Variants in STXBP4 observed in about 807,000 individuals in gnomAD.
STXBP4 encodes the protein syntaxin binding protein 4, also known as syntaxin-binding protein 4.
A neutral mutation model predicts 76.1 loss-of-function variants in STXBP4; 55 were observed. The ratio of observed to expected loss-of-function variants is 0.72; its 90% confidence interval spans 0.58 to 0.91. The LOEUF (loss-of-function observed/expected upper bound fraction) is 0.91. STXBP4 is among the 40% of genes least tolerant of loss of function. The pLI, the probability that STXBP4 is intolerant of heterozygous loss-of-function variation, is 0.00. For missense variants in STXBP4, 618 were observed against 636.9 expected (o/e 0.97, Z 0.32); for synonymous variants, 201 against 220.2 (o/e 0.91, Z 0.77).
intron 12 of STXBP4, among the ~76,000 whole-genome samples, chr17:55,066,933 A>G (rs2144846575): frequency 6.6e-6 from 1 of 152,318 alleles, no homozygotes; most frequent in African/African-American, 2.4e-5. Flanking sequence ...TGTTTCTCAA[A>G]GCATAGTTTA....
intron 17 of STXBP4, among the ~76,000 whole-genome samples, chr17:55,152,072 A>G (rs1314416804): frequency 1.3e-5 from 2 of 152,332 alleles, no homozygotes; most frequent in African/African-American, 2.4e-5. Flanking sequence ...AGGACAGTAC[A>G]CTGGATTACC....
In STXBP4 at chr17:54,999,707, A is replaced by C. The variant is rs758948590; in HGVS notation, c.363A>C (p.Thr121=). 6.2e-7 allele frequency: 1 copy of C among 1,613,814 alleles called. No homozygotes were observed. Among genetic ancestry groups the C allele is most frequent in the Non-Finnish European group, 8.5e-7 (1 of 1,179,842 alleles). ...DNIQPENLSC[T]SLIEASGEYG... ...TTCAGCCAGAAAATCTGTCATGTAC[A>C]TCACTTATAGAAGCTTCAGGAGAAT... Residue 121 remains threonine, a synonymous_variant, in exon 6 of 18, where the codon ACA becomes ACC. Coordinates refer to ENST00000376352, the MANE Select transcript of STXBP4 (RefSeq NM_178509.6).
At chr17:55,182,254 G>A in the STXBP4 span, among the ~76,000 whole-genome samples, 3 of 152,082 alleles carry the variant, frequency 2.0e-5, no homozygotes, top group Admixed American at 1.3e-4. Context: ...GACGAAATTC[G>A]AGATTTTGGC....
chr17:54,984,823 A>C (rs1598156180), intron 1 of STXBP4, among the ~76,000 whole-genome samples: 1 of 152,164 alleles, frequency 6.6e-6, no homozygotes, highest in Non-Finnish European at 1.5e-5. Flanking sequence ...GCTCAGACTT[A>C]AAAAATGTTT....
At chr17:55,049,744 T>G (rs2078835054) in intron 12 of STXBP4, among the ~76,000 whole-genome samples, 1 of 151,938 alleles carries the variant, frequency 6.6e-6, no homozygotes, top group African/African-American at 2.4e-5. Flanking sequence ...TTAACATGAA[T>G]AAGATCAACT....
intron 3 of STXBP4, 123 bp from the exon 4 acceptor site, chr17:54,990,702 G>C (rs2077701391): frequency 1.7e-6 from 2 of 1,194,244 alleles, no homozygotes; most frequent in Non-Finnish European, 2.3e-6. Context: ...CAAGTCCCTG[G>C]TACCAAAAAA....
At chr17:55,182,806 C>T in the STXBP4 span, among the ~76,000 whole-genome samples, 2 of 151,770 alleles carry the variant, frequency 1.3e-5, no homozygotes, top group Non-Finnish European at 2.9e-5. Flanking sequence ...AAAACAACAA[C>T]AACAACAAAA....
intron 17 of STXBP4, among the ~76,000 whole-genome samples, chr17:55,155,192 T>C (rs1008429066): frequency 6.6e-6 from 1 of 152,142 alleles, no homozygotes; most frequent in Non-Finnish European, 1.5e-5. Flanking sequence ...GAATAGATAC[T>C]TCCTATTACT....
At chr17:55,087,738 C>T (rs546450925) in intron 16 of STXBP4, among the ~76,000 whole-genome samples, 2 of 152,086 alleles carry the variant, frequency 1.3e-5, no homozygotes, top group African/African-American at 4.8e-5. Flanking sequence ...TCTTGTGGTT[C>T]CATTAAAATT....
chr17:54,981,153 G>C (rs1289107594), intron 1 of STXBP4, among the ~76,000 whole-genome samples: 1 of 114,614 alleles, frequency 8.7e-6, no homozygotes, highest in Non-Finnish European at 1.8e-5. Flanking sequence ...TAACATCATA[G>C]ATAACAATAC....
intron 12 of STXBP4, among the ~76,000 whole-genome samples, chr17:55,057,541 T>C: frequency 6.6e-6 from 1 of 152,188 alleles, no homozygotes; most frequent in East Asian, 1.9e-4. Flanking sequence ...TGGTTGTTGT[T>C]GTTGTTTCTA....
rs74356206 is a variant in STXBP4, at chr17:55,092,561, A to C, written c.1489+11378A>C. Among the ~76,000 whole-genome samples the C allele has an allele frequency of 3.5e-3, 526 of 152,330 alleles. 13 individuals carry two copies. The highest frequency in any genetic ancestry group is 0.027 in the Middle Eastern group (8 of 294). Reference sequence around the variant, plus strand: ...TTATTTTTACTCAACCAATTGAAAAATAAGACTGTCAAGCAGTGACCATCT... The same window carrying C: ...TTATTTTTACTCAACCAATTGAAAACTAAGACTGTCAAGCAGTGACCATCT... On this transcript the variant is annotated intron_variant, in intron 16 of 17. Transcript: ENST00000376352.
the STXBP4 span, among the ~76,000 whole-genome samples, chr17:55,210,024 G>C: frequency 1.2e-4 from 18 of 152,298 alleles, no homozygotes; most frequent in Middle Eastern, 3.4e-3. Flanking sequence ...ATGTGCATGT[G>C]TGCATGCAGG....
intron 16 of STXBP4, among the ~76,000 whole-genome samples, chr17:55,086,694 A>G (rs1598299234): frequency 5.3e-5 from 8 of 152,136 alleles, no homozygotes; most frequent in Admixed American, 4.6e-4. Context: ...GGTTGATTCC[A>G]TATCTTGGCT....
chr17:55,073,993 A>C (rs2079151973), intron 13 of STXBP4, among the ~76,000 whole-genome samples: 1 of 152,274 alleles, frequency 6.6e-6, no homozygotes, highest in Non-Finnish European at 1.5e-5. Flanking sequence ...AAGAGGCTTC[A>C]AAAATCTATA....
chr17:55,019,706 A>C (rs118170487), intron 8 of STXBP4, among the ~76,000 whole-genome samples: 388 of 152,068 alleles, frequency 2.6e-3, no homozygotes, highest in Non-Finnish European at 4.6e-3. Flanking sequence ...TTCTTTTGGT[A>C]TAGGTTGATA....
At chr17:55,035,912 T>C (rs2078593953) in intron 10 of STXBP4, among the ~76,000 whole-genome samples, 1 of 152,004 alleles carries the variant, frequency 6.6e-6, no homozygotes, top group South Asian at 2.1e-4. Flanking sequence ...TTTATATATT[T>C]ATTGTGTACA....
intron 8 of STXBP4, among the ~76,000 whole-genome samples, chr17:55,012,734 A>G (rs1218905612): frequency 6.6e-6 from 1 of 152,152 alleles, no homozygotes; most frequent in Non-Finnish European, 1.5e-5. Context: ...ATTACTTTCA[A>G]ATATTCCATT....
At position 55,078,738 on chromosome 17, in the gene STXBP4, A is replaced by G. The variant is rs778937419; in HGVS notation, c.1355+3A>G. ...TCTACTCCTTTATCAAATTTAAGGT[A>G]AGAAAATTTAAGTGCTTTTTGCAGA... On this transcript the variant is annotated splice_donor_region_variant and intron_variant, in intron 15 of 17. Transcript: ENST00000376352. 16 of 1,475,892 alleles carry G rather than the reference A, an allele frequency of 1.1e-5. No individual in the cohort carries two copies. The highest frequency in any genetic ancestry group is 1.5e-5 in the Non-Finnish European group (16 of 1,057,066). The allele number at this position is 1,475,892 out of a possible 1,614,324, so 91.4% of individuals were successfully genotyped here. A position where few individuals can be genotyped will look rare whatever the true frequency, so the allele number is the denominator to read the frequency against.
Sources: gnomAD v4.1 joint callset for allele counts (sites outside exome capture counted in the v4.1 genomes callset) on GRCh38, gnomAD v4.1.1 for gene constraint, MANE v1.5 for transcripts, NCBI Gene and HGNC (gene_info 2026-07-23, HGNC 2026-07-21) for gene names.